GRM7: variants seen among roughly 807,000 people sequenced by gnomAD.
The protein encoded by GRM7 is metabotropic glutamate receptor 7.
GRM7 carries 35 observed loss-of-function variants against 84.5 expected under a neutral mutation model. That is an observed-to-expected ratio of 0.41 (90% CI 0.32 to 0.55). The LOEUF (loss-of-function observed/expected upper bound fraction) is 0.55. GRM7 is among the 20% of genes least tolerant of loss of function. GRM7 has a pLI of 0.19. For missense variants in GRM7, 1,003 were observed against 1,194.6 expected, an observed-to-expected ratio of 0.84 and a Z score of 2.36; for synonymous variants, 487 against 455.1, an observed-to-expected ratio of 1.07 and a Z score of -0.89.
intron 2 of GRM7, among the ~76,000 whole-genome samples, chr3:7,250,137 A>G (rs1235699146): frequency 6.6e-6 from 1 of 152,212 alleles, no homozygotes. Flanking sequence ...GGATATTGGC[A>G]GAACAACATA....
At chr3:7,603,070 C>T (rs570694204) in intron 8 of GRM7, among the ~76,000 whole-genome samples, 17 of 152,156 alleles carry the variant, frequency 1.1e-4, no homozygotes, top group East Asian at 9.7e-4. Context: ...GTAATGTAGA[C>T]GGTACTTAAA....
At chr3:7,619,920 G>T (rs1420244585) in intron 8 of GRM7, among the ~76,000 whole-genome samples, 2 of 152,120 alleles carry the variant, frequency 1.3e-5, no homozygotes, top group Non-Finnish European at 2.9e-5. Flanking sequence ...TACTTCTGCA[G>T]TCCAATGACG....
At chr3:7,686,937 A>G (rs1700609877) in intron 9 of GRM7, among the ~76,000 whole-genome samples, 1 of 152,188 alleles carries the variant, frequency 6.6e-6, no homozygotes, top group South Asian at 2.1e-4. Flanking sequence ...AAAAGTATCC[A>G]TTGAAATAGC....
intron 2 of GRM7, among the ~76,000 whole-genome samples, chr3:7,283,773 G>A (rs1038398568): frequency 6.6e-6 from 1 of 152,022 alleles, no homozygotes; most frequent in Non-Finnish European, 1.5e-5. Flanking sequence ...GGACTTTACG[G>A]GCAGTTAAAA....
chr3:7,136,888 A>G (rs9839842), intron 1 of GRM7, among the ~76,000 whole-genome samples: 31,937 of 152,028 alleles, frequency 0.21, 3,566 homozygotes, highest in Middle Eastern at 0.32. Context: ...GATACAGATA[A>G]TTGTTTAATT....
At chr3:7,362,136 T>C (rs2125106229) in intron 4 of GRM7, among the ~76,000 whole-genome samples, 1 of 152,190 alleles carries the variant, frequency 6.6e-6, no homozygotes, top group African/African-American at 2.4e-5. Flanking sequence ...TGTCATGTCA[T>C]TGTGATTGAA....
At chr3:6,895,333 G>T (rs1314452737) in intron 1 of GRM7, among the ~76,000 whole-genome samples, 1 of 152,132 alleles carries the variant, frequency 6.6e-6, no homozygotes, top group Non-Finnish European at 1.5e-5. Context: ...AGAATGGAAA[G>T]CTGCCTTAAG....
At position 6,862,328 on chromosome 3, in the gene GRM7, G is replaced by A. The variant is rs1694782399; in HGVS notation, c.519+421G>A. Among the ~76,000 whole-genome samples the A allele has an allele frequency of 6.6e-6, 1 of 151,932 alleles. No individual in the cohort carries two copies. Among genetic ancestry groups the A allele is most frequent in the South Asian group, 2.1e-4 (1 of 4,814 alleles). On this transcript the variant is annotated intron_variant, in intron 1 of 9. Coordinates refer to ENST00000357716, the MANE Select transcript of GRM7 (RefSeq NM_000844.4). This position sits in a 1 kb window ranked among gnomAD's most constrained non-coding sequence, Gnocchi z 5.2. The stretch of plus-strand genomic sequence containing the variant: ...AAACCGGGCATTTCCCAACTCCCCA[G>A]CTTCCCACCCCCAAGCCAGCCTGCC...
intron 8 of GRM7, among the ~76,000 whole-genome samples, chr3:7,605,654 T>C (rs780307939): frequency 1.3e-5 from 2 of 152,118 alleles, no homozygotes; most frequent in Non-Finnish European, 2.9e-5. Context: ...ATAGGTAACA[T>C]TGATGTGCAT....
At chr3:7,339,902 A>C (rs1701572509) in intron 4 of GRM7, among the ~76,000 whole-genome samples, 1 of 152,072 alleles carries the variant, frequency 6.6e-6, no homozygotes, top group African/African-American at 2.4e-5. Context: ...CAGAAGAAGA[A>C]AAATACAAGT....
chr3:7,489,503 G>A (rs923122075), intron 7 of GRM7, among the ~76,000 whole-genome samples: 10 of 152,260 alleles, frequency 6.6e-5, no homozygotes, highest in East Asian at 1.9e-4. Flanking sequence ...CAAAACACTG[G>A]TTCTTTCATC....
chr3:7,278,654 T>G (rs898331093), intron 2 of GRM7, among the ~76,000 whole-genome samples: 4 of 152,178 alleles, frequency 2.6e-5, no homozygotes, highest in African/African-American at 9.6e-5. Context: ...TAATCATGCA[T>G]AAGATGTGAT....
chr3:6,929,855 A>G (rs1697437699), intron 1 of GRM7, among the ~76,000 whole-genome samples: 1 of 151,700 alleles, frequency 6.6e-6, no homozygotes, highest in African/African-American at 2.4e-5. Flanking sequence ...AGGGGCTGAT[A>G]GAGAGTATAT....
intron 1 of GRM7, among the ~76,000 whole-genome samples, chr3:7,022,974 G>A (rs1335913897): frequency 6.6e-6 from 1 of 152,054 alleles, no homozygotes; most frequent in Non-Finnish European, 1.5e-5. Context: ...TTTCACAGGG[G>A]AGAGTGGAGA....
intron 5 of GRM7, among the ~76,000 whole-genome samples, chr3:7,437,762 A>G (rs1575335114): frequency 1.3e-5 from 2 of 152,142 alleles, no homozygotes; most frequent in East Asian, 3.9e-4. Context: ...CAGCCATAAT[A>G]TAACTATATA....
intron 1 of GRM7, among the ~76,000 whole-genome samples, chr3:7,077,703 C>G (rs533559400): frequency 6.0e-5 from 9 of 151,246 alleles, no homozygotes; most frequent in Middle Eastern, 3.4e-3. Context: ...CACATGTACC[C>G]CAGAACTTAA....
At chr3:7,028,902 G>A (rs1421888956) in intron 1 of GRM7, among the ~76,000 whole-genome samples, 2 of 152,182 alleles carry the variant, frequency 1.3e-5, no homozygotes, top group African/African-American at 2.4e-5. Flanking sequence ...TTAGAAGTTA[G>A]ACATTTAAGA....
chr3:7,270,468 T>A (rs779353627), intron 2 of GRM7, among the ~76,000 whole-genome samples: 20 of 149,880 alleles, frequency 1.3e-4, no homozygotes, highest in Admixed American at 2.6e-4. Context: ...AAATGTATAG[T>A]TTTTTTTAGC....
chr3:7,685,796 A>C (rs1332230769), intron 9 of GRM7, among the ~76,000 whole-genome samples: 1 of 151,958 alleles, frequency 6.6e-6, no homozygotes, highest in African/African-American at 2.4e-5. Context: ...TTTAAAAAAA[A>C]AAAAAGAAAG....
Sources: gnomAD v4.1 joint callset for allele counts (sites outside exome capture counted in the v4.1 genomes callset) on GRCh38, gnomAD v4.1.1 for gene constraint, Gnocchi (gnomAD v3.1) non-coding constraint, MANE v1.5 for transcripts, NCBI Gene and HGNC (gene_info 2026-07-23, HGNC 2026-07-21) for gene names.